The following ADAMTS3 variants were observed in gnomAD, a reference collection of about 807,000 sequenced individuals.
ADAMTS3 encodes ADAM metallopeptidase with thrombospondin type 1 motif 3.
Under a neutral mutation model 129.0 loss-of-function variants are expected in ADAMTS3, and 73 were observed. That is an observed-to-expected ratio of 0.57 (90% CI 0.47 to 0.69). ADAMTS3 has a LOEUF of 0.69. Ranked by LOEUF, ADAMTS3 falls within the 30% of genes least tolerant of loss-of-function variation. The pLI is 0.00. For missense variants in ADAMTS3, 1,457 were observed against 1,514.5 expected, an observed-to-expected ratio of 0.96 and a Z score of 0.63; for synonymous variants, 477 against 510.8, an observed-to-expected ratio of 0.93 and a Z score of 0.89.
At chr4:72,345,926 A>T (rs1386744939) in intron 4 of ADAMTS3, among the ~76,000 whole-genome samples, 1 of 152,166 alleles carries the variant, frequency 6.6e-6, no homozygotes, top group Non-Finnish European at 1.5e-5. Context: ...TCTAACTGCA[A>T]ATCAAGAAAA....
intron 3 of ADAMTS3, among the ~76,000 whole-genome samples, chr4:72,505,799 G>T (rs1720146122): frequency 6.6e-6 from 1 of 152,146 alleles, no homozygotes; most frequent in Non-Finnish European, 1.5e-5. Context: ...GGTCTGCCTG[G>T]GCATGGAGCA....
chr4:72,544,247 AT>A (rs1458809413), intron 3 of ADAMTS3, among the ~76,000 whole-genome samples: 2 of 152,166 alleles, frequency 1.3e-5, no homozygotes, highest in African/African-American at 2.4e-5. Context: ...GCCTACCTTA[AT>A]AAAAAGCCAA....
At chr4:72,391,917 G>A (rs756814852) in intron 4 of ADAMTS3, among the ~76,000 whole-genome samples, 3 of 152,046 alleles carry the variant, frequency 2.0e-5, no homozygotes, top group African/African-American at 4.8e-5. Flanking sequence ...TCCTGAAAAC[G>A]CGTAGAAAAC....
chr4:72,555,526 C>A (rs532148279), intron 2 of ADAMTS3, among the ~76,000 whole-genome samples: 5 of 151,768 alleles, frequency 3.3e-5, no homozygotes, highest in Non-Finnish European at 7.3e-5. Context: ...CCATAGCACT[C>A]CCTGTCAAGG....
At chr4:72,521,767 T>A (rs1720681897) in intron 3 of ADAMTS3, among the ~76,000 whole-genome samples, 2 of 152,294 alleles carry the variant, frequency 1.3e-5, no homozygotes, top group Non-Finnish European at 2.9e-5. Context: ...TATCTCTTAA[T>A]TAGCTATTCC....
intron 3 of ADAMTS3, among the ~76,000 whole-genome samples, chr4:72,416,584 A>T (rs1722311189): frequency 6.6e-6 from 1 of 152,154 alleles, no homozygotes; most frequent in African/African-American, 2.4e-5. Flanking sequence ...CAATAATTGG[A>T]GTTTCTTTCC....
chr4:72,356,642 T>C (rs1553909106), intron 4 of ADAMTS3, among the ~76,000 whole-genome samples: 1 of 151,806 alleles, frequency 6.6e-6, no homozygotes, highest in Non-Finnish European at 1.5e-5. Flanking sequence ...TAGATAGAAA[T>C]TCTACAGTAA....
intron 3 of ADAMTS3, among the ~76,000 whole-genome samples, chr4:72,415,606 T>C (rs1722284088): frequency 6.6e-6 from 1 of 151,876 alleles, no homozygotes; most frequent in South Asian, 2.1e-4. Flanking sequence ...TAATATTATA[T>C]ATATATATCC....
intron 2 of ADAMTS3, 115 bp from the exon 3 acceptor site, chr4:72,548,999 G>C: frequency 1.1e-6 from 1 of 882,136 alleles, no homozygotes; most frequent in Non-Finnish European, 1.6e-6. Flanking sequence ...GCATAATATA[G>C]ACATTCCTGA....
At chr4:72,518,303 T>C (rs1367596852) in intron 3 of ADAMTS3, among the ~76,000 whole-genome samples, 1 of 152,144 alleles carries the variant, frequency 6.6e-6, no homozygotes, top group Admixed American at 6.5e-5. Context: ...CTGAAAAAAA[T>C]GTATATTCTG....
At chr4:72,360,470 C>T (rs1157068483) in intron 4 of ADAMTS3, among the ~76,000 whole-genome samples, 1 of 151,952 alleles carries the variant, frequency 6.6e-6, no homozygotes, top group Non-Finnish European at 1.5e-5. Flanking sequence ...TACAAGTAAA[C>T]TTATTTGTTT....
At chr4:72,515,019 T>C (rs905867140) in intron 3 of ADAMTS3, among the ~76,000 whole-genome samples, 2 of 151,946 alleles carry the variant, frequency 1.3e-5, no homozygotes, top group African/African-American at 4.8e-5. Flanking sequence ...CAGAGTGTAA[T>C]ATTCCCCTTC....
At chr4:72,489,192 T>C (rs753101934) in intron 3 of ADAMTS3, among the ~76,000 whole-genome samples, 2 of 152,012 alleles carry the variant, frequency 1.3e-5, no homozygotes, top group African/African-American at 2.4e-5. Context: ...GTTGTTTCCC[T>C]ATCTTGTTGA....
intron 3 of ADAMTS3, among the ~76,000 whole-genome samples, chr4:72,525,282 C>T (rs901214071): frequency 1.3e-5 from 2 of 152,188 alleles, no homozygotes; most frequent in Non-Finnish European, 2.9e-5. Context: ...TGAGAAAGTG[C>T]TCCACCACAC....
rs1485177562 is a variant in ADAMTS3 at position 72,515,547 on chromosome 4, A to AT, written c.504+32930dup. 2.0e-5 allele frequency among the ~76,000 whole-genome samples: 3 copies of AT among 148,088 alleles called. No individual in the cohort carries two copies. The East Asian group carries it at 6.0e-4, about 29-fold the overall frequency. ...GCCATTCTAACTGGTGTGAGATGGT[A>AT]TCTCATTGTGGTTTTGATTTGCATT... On this transcript the variant is annotated intron_variant, in intron 3 of 21. Coordinates refer to ENST00000286657, the MANE Select transcript of ADAMTS3 (RefSeq NM_014243.3).
chr4:72,395,839 C>T (rs1028695318), intron 4 of ADAMTS3, among the ~76,000 whole-genome samples: 1 of 152,116 alleles, frequency 6.6e-6, no homozygotes, highest in Non-Finnish European at 1.5e-5. Flanking sequence ...TGTGCATATA[C>T]ACACGCATGT....
At position 72,372,459 on chromosome 4, in the gene ADAMTS3, G is replaced by A. The variant is rs867483099; in HGVS notation, c.662-32766C>T. ...AATGCCAATTAATTTTAAAATTTAT[G>A]AGAAATAAGCAAATTCCTTGAAAAC... On this transcript the variant is annotated intron_variant, in intron 4 of 21. Transcript: ENST00000286657. Among the ~76,000 whole-genome samples, 7 of 151,840 alleles carry A rather than the reference G, an allele frequency of 4.6e-5. No individual in the cohort carries two copies. In the South Asian group the frequency reaches 1.5e-3, roughly 32 times the overall value.
intron 18 of ADAMTS3, among the ~76,000 whole-genome samples, chr4:72,298,014 T>A (rs1374509973): frequency 6.6e-6 from 1 of 151,946 alleles, no homozygotes; most frequent in Admixed American, 6.6e-5. Context: ...ATAAAGTGAT[T>A]AAGGGTACCA....
At chr4:72,567,918 C>G (rs1722058104) in intron 1 of ADAMTS3, 1 of 153,802 alleles carries the variant, frequency 6.5e-6, no homozygotes, top group Admixed American at 6.5e-5. Context: ...AACAGCTCCC[C>G]TGGCGGAGCC....
Sources: gnomAD v4.1 joint callset for allele counts (sites outside exome capture counted in the v4.1 genomes callset) on GRCh38, gnomAD v4.1.1 for gene constraint, MANE v1.5 for transcripts, NCBI Gene and HGNC (gene_info 2026-07-23, HGNC 2026-07-21) for gene names.